The following TSPEAR variants were observed in gnomAD, a reference collection of about 807,000 sequenced individuals.
The protein encoded by TSPEAR is thrombospondin type laminin G domain and EAR repeats, also known as thrombospondin-type laminin G domain and EAR repeat-containing protein.
In TSPEAR, 69 loss-of-function variants were observed where a neutral mutation model predicts 71.6. The ratio of observed to expected loss-of-function variants is 0.96; its 90% CI spans 0.79 to 1.18. The LOEUF is 1.18. Ranked by LOEUF, TSPEAR falls within the 50% of genes most tolerant of loss-of-function variation. TSPEAR has a pLI of 0.00. For synonymous variants in TSPEAR, 402 were observed against 387.2 expected (o/e 1.04, Z -0.45); for missense variants, 971 against 894.9 (o/e 1.09, Z -1.09).
intron 1 of TSPEAR, among the ~76,000 whole-genome samples, chr21:44,605,896 T>C (rs1295184843): frequency 6.6e-6 from 1 of 152,132 alleles, no homozygotes; most frequent in African/African-American, 2.4e-5. Flanking sequence ...TCCAGGCAAT[T>C]ATTCCTTGAA....
At chr21:44,698,016 C>A (rs1403595353) in intron 1 of TSPEAR, 2 of 1,518,560 alleles carry the variant, frequency 1.3e-6, no homozygotes, top group Admixed American at 3.8e-5. Flanking sequence ...AGTCCCCCAC[C>A]TCTCCCACTA....
At chr21:44,677,567 T>G in intron 1 of TSPEAR, 1 of 949,880 alleles carries the variant, frequency 1.1e-6, no homozygotes, top group East Asian at 2.5e-5. Flanking sequence ...ATGCTTCTTC[T>G]GAAAGTGCAG....
At chr21:44,639,678 C>G (rs782716066) in intron 1 of TSPEAR, among the ~76,000 whole-genome samples, 1 of 152,214 alleles carries the variant, frequency 6.6e-6, no homozygotes, top group South Asian at 2.1e-4. Flanking sequence ...GGGCCATCCT[C>G]GGGAGGGGCT....
chr21:44,681,372 G>T (rs544412838), intron 1 of TSPEAR, among the ~76,000 whole-genome samples: 2 of 152,198 alleles, frequency 1.3e-5, no homozygotes, highest in Middle Eastern at 3.2e-3. Flanking sequence ...GTAAGTCACC[G>T]CTGTGGCCAC....
intron 9 of TSPEAR, chr21:44,510,842 G>C (rs2053642042): frequency 6.6e-6 from 1 of 152,318 alleles, no homozygotes; most frequent in Non-Finnish European, 1.5e-5. Flanking sequence ...GGCAAGGACA[G>C]GGGCCCAGGA....
At chr21:44,610,502 G>A (rs1601482990) in intron 1 of TSPEAR, among the ~76,000 whole-genome samples, 1 of 152,240 alleles carries the variant, frequency 6.6e-6, no homozygotes, top group African/African-American at 2.4e-5. Flanking sequence ...CTAGATTTCA[G>A]AAGATATATG....
At chr21:44,555,996 G>A (rs1054871511) in intron 2 of TSPEAR, among the ~76,000 whole-genome samples, 2 of 152,174 alleles carry the variant, frequency 1.3e-5, no homozygotes, top group African/African-American at 4.8e-5. Context: ...TAGATACAGC[G>A]GTTCAAAGGA....
chr21:44,705,577 G>A (rs1446467086), intron 1 of TSPEAR, among the ~76,000 whole-genome samples: 10 of 152,188 alleles, frequency 6.6e-5, no homozygotes, highest in Non-Finnish European at 1.3e-4. Context: ...TGGCCCCCCC[G>A]GGGCGTACCT....
At chr21:44,692,865 A>C (rs1987177231) in intron 1 of TSPEAR, among the ~76,000 whole-genome samples, 1 of 152,106 alleles carries the variant, frequency 6.6e-6, no homozygotes, top group African/African-American at 2.4e-5. Context: ...GCTGATCTTC[A>C]AGCACATATG....
At chr21:44,694,636 T>C (rs1365760448) in intron 1 of TSPEAR, among the ~76,000 whole-genome samples, 1 of 152,162 alleles carries the variant, frequency 6.6e-6, no homozygotes, top group Non-Finnish European at 1.5e-5. Context: ...TTATATATAT[T>C]TTATCACAAA....
At chr21:44,648,735 G>A (rs976675869) in intron 1 of TSPEAR, among the ~76,000 whole-genome samples, 2 of 152,136 alleles carry the variant, frequency 1.3e-5, no homozygotes, top group East Asian at 3.9e-4. Context: ...TCAGCCTCCC[G>A]ATGGCTCCCG....
intron 1 of TSPEAR, among the ~76,000 whole-genome samples, chr21:44,606,948 A>G (rs1555929957): frequency 6.6e-6 from 1 of 152,234 alleles, no homozygotes; most frequent in African/African-American, 2.4e-5. Context: ...TTAGTGACCT[A>G]CTGCATTGCA....
intron 1 of TSPEAR, among the ~76,000 whole-genome samples, chr21:44,626,741 G>A (rs1305880153): frequency 1.3e-5 from 2 of 152,118 alleles, no homozygotes; most frequent in East Asian, 3.9e-4. Flanking sequence ...TTCCTGCAGA[G>A]GAAGCCCGTG....
chr21:44,567,736 A>C, intron 2 of TSPEAR, 49 bp downstream of exon 2: 3 of 1,488,146 alleles, frequency 2.0e-6, no homozygotes, highest in Non-Finnish European at 2.7e-6. Flanking sequence ...GGAACCTCAC[A>C]AGGGAAAATT....
At chr21:44,516,536 A>T (rs1197677417) in intron 9 of TSPEAR, 1 of 152,004 alleles carries the variant, frequency 6.6e-6, no homozygotes, top group Admixed American at 6.6e-5. Flanking sequence ...TTGTACCTCC[A>T]CTAATAAACA....
At chr21:44,531,270 G>A in intron 3 of TSPEAR, 137 bp from the exon 4 acceptor site, 1 of 676,782 alleles carries the variant, frequency 1.5e-6, no homozygotes, top group Non-Finnish European at 2.5e-6. Context: ...TGGCACACAG[G>A]GCTGATCGCC....
intron 11 of TSPEAR, among the ~76,000 whole-genome samples, chr21:44,503,791 C>T (rs587669205): frequency 7.7e-6 from 1 of 130,550 alleles, no homozygotes; most frequent in African/African-American, 3.1e-5. Flanking sequence ...TGGGAGGAAG[C>T]TGGCCTCGGT....
intron 11 of TSPEAR, among the ~76,000 whole-genome samples, chr21:44,503,473 C>T: frequency 7.5e-6 from 1 of 134,156 alleles, no homozygotes; most frequent in Admixed American, 7.7e-5. Flanking sequence ...TCGGTGAGCC[C>T]TCGGGGGGAA....
chr21:44,621,129 G>A (rs1479807595), intron 1 of TSPEAR, among the ~76,000 whole-genome samples: 1 of 152,190 alleles, frequency 6.6e-6, no homozygotes, highest in Non-Finnish European at 1.5e-5. Context: ...TGAGTTTTCT[G>A]CTGTAGTTGG....
Sources: allele counts gnomAD v4.1 joint callset (sites outside exome capture counted in the v4.1 genomes callset), GRCh38; gene constraint gnomAD v4.1.1; transcripts MANE v1.5; gene names NCBI Gene and HGNC (gene_info 2026-07-23, HGNC 2026-07-21).